Variants in PIK3C2G observed in about 807,000 individuals in gnomAD.
PIK3C2G encodes the protein phosphatidylinositol 3-kinase C2 domain-containing subunit gamma.
PIK3C2G carries 168 observed loss-of-function variants against 181.1 expected under a neutral mutation model. The observed-to-expected ratio is 0.93, with a 90% confidence interval of 0.82 to 1.05. PIK3C2G has a LOEUF of 1.05. PIK3C2G is among the 50% of genes least tolerant of loss of function. The pLI, the probability that PIK3C2G is intolerant of heterozygous loss-of-function variation, is 0.00. For synonymous variants in PIK3C2G, 573 were observed against 592.2 expected (o/e 0.97, Z 0.47); for missense variants, 1,869 against 1,732.8 (o/e 1.08, Z -1.40).
At chr12:18,368,155 G>A (rs1035079773) in intron 12 of PIK3C2G, among the ~76,000 whole-genome samples, 3 of 152,022 alleles carry the variant, frequency 2.0e-5, no homozygotes, top group Admixed American at 2.0e-4. Context: ...GATTTGGGTG[G>A]GGACACCAAG....
chr12:18,383,067 A>G (rs771061206), intron 14 of PIK3C2G, among the ~76,000 whole-genome samples: 1 of 152,206 alleles, frequency 6.6e-6, no homozygotes, highest in Non-Finnish European at 1.5e-5. Flanking sequence ...TATCTTATCA[A>G]TTAGCACTTG....
the PIK3C2G span, chr12:18,723,250 GA>G: frequency 1.4e-6 from 2 of 1,445,568 alleles, no homozygotes; most frequent in Non-Finnish European, 1.9e-6. Context: ...AATAATTTTT[GA>G]AAAAAGAAAA....
intron 24 of PIK3C2G, among the ~76,000 whole-genome samples, chr12:18,521,038 T>G (rs1288612185): frequency 6.6e-6 from 1 of 152,134 alleles, no homozygotes; most frequent in Non-Finnish European, 1.5e-5. Context: ...GGGGGTTCAC[T>G]TCAGGCTCTA....
At chr12:18,482,443 G>A in intron 18 of PIK3C2G, among the ~76,000 whole-genome samples, 1 of 152,012 alleles carries the variant, frequency 6.6e-6, no homozygotes, top group East Asian at 1.9e-4. Flanking sequence ...TCTTTGGGAA[G>A]CCTTGGAGAA....
At chr12:18,695,115 T>C in the PIK3C2G span, 4 of 1,581,668 alleles carry the variant, frequency 2.5e-6, no homozygotes, top group South Asian at 1.1e-5. Context: ...TGTCAGGTAA[T>C]AGAGAATACA....
chr12:18,621,488 G>A (rs142739305), intron 31 of PIK3C2G, among the ~76,000 whole-genome samples: 2 of 151,674 alleles, frequency 1.3e-5, no homozygotes, highest in African/African-American at 2.4e-5. Context: ...TGTGACTTCT[G>A]TCCAGTTGAT....
At chr12:18,636,370 T>G (rs2136764096) in intron 31 of PIK3C2G, among the ~76,000 whole-genome samples, 1 of 152,266 alleles carries the variant, frequency 6.6e-6, no homozygotes, top group Non-Finnish European at 1.5e-5. Flanking sequence ...CAGCTGGGAT[T>G]ACAAGGCACG....
chr12:18,675,738 T>A, the PIK3C2G span, among the ~76,000 whole-genome samples: 1 of 152,106 alleles, frequency 6.6e-6, no homozygotes, highest in Non-Finnish European at 1.5e-5. Flanking sequence ...TGGATGGAGC[T>A]GGAGTCCATT....
the PIK3C2G span, among the ~76,000 whole-genome samples, chr12:18,657,398 A>G: frequency 6.6e-6 from 1 of 152,146 alleles, no homozygotes; most frequent in African/African-American, 2.4e-5. Flanking sequence ...TCACTGGCTG[A>G]CCCTCAGGCT....
At chr12:18,601,141 A>G (rs562452324) in intron 30 of PIK3C2G, among the ~76,000 whole-genome samples, 4 of 152,178 alleles carry the variant, frequency 2.6e-5, no homozygotes, top group South Asian at 4.1e-4. Flanking sequence ...ACAGTTCAAT[A>G]TTAGTACTAT....
chr12:18,524,678 G>C (rs536575929), intron 24 of PIK3C2G, among the ~76,000 whole-genome samples: 88 of 151,554 alleles, frequency 5.8e-4, no homozygotes, highest in African/African-American at 2.1e-3. Context: ...TGATTCTCCT[G>C]CCTCAGCCTC....
chr12:18,686,357 G>A, the PIK3C2G span, among the ~76,000 whole-genome samples: 1 of 151,940 alleles, frequency 6.6e-6, no homozygotes, highest in African/African-American at 2.4e-5. Flanking sequence ...TGACACCTTA[G>A]CATGGCTTTT....
the PIK3C2G span, among the ~76,000 whole-genome samples, chr12:18,668,777 G>A: frequency 3.9e-5 from 6 of 152,116 alleles, no homozygotes; most frequent in Non-Finnish European, 1.5e-5. Context: ...AATGCTGCCT[G>A]CTGATATTCA....
intron 14 of PIK3C2G, among the ~76,000 whole-genome samples, chr12:18,388,487 C>T (rs1240121075): frequency 6.6e-6 from 1 of 152,128 alleles, no homozygotes; most frequent in East Asian, 1.9e-4. Context: ...GTTGGCCAGG[C>T]TGGTCTTGAA....
chr12:18,400,643 C>G (rs1328667779), intron 16 of PIK3C2G, among the ~76,000 whole-genome samples: 1 of 152,020 alleles, frequency 6.6e-6, no homozygotes, highest in Non-Finnish European at 1.5e-5. Flanking sequence ...GTAACCTAAA[C>G]TGACTTTTAA....
chr12:18,338,055 T>A (rs1212304522), intron 8 of PIK3C2G, among the ~76,000 whole-genome samples: 1 of 152,034 alleles, frequency 6.6e-6, no homozygotes, highest in African/African-American at 2.4e-5. Context: ...AACCACAGAC[T>A]TTGTCTAAGG....
chr12:18,653,416 T>C (rs1414484440), downstream of PIK3C2G, among the ~76,000 whole-genome samples: 1 of 152,194 alleles, frequency 6.6e-6, no homozygotes, highest in East Asian at 1.9e-4. Context: ...ATACTCTCAA[T>C]GCAATGGGCT....
At chr12:18,302,009 T>C (rs1363883825) in intron 5 of PIK3C2G, among the ~76,000 whole-genome samples, 1 of 152,208 alleles carries the variant, frequency 6.6e-6, no homozygotes, top group Non-Finnish European at 1.5e-5. Flanking sequence ...CTCAGTGGCT[T>C]AAGCTACAGT....
intron 7 of PIK3C2G, among the ~76,000 whole-genome samples, chr12:18,322,212 T>G (rs1316607731): frequency 6.6e-6 from 1 of 151,746 alleles, no homozygotes; most frequent in African/African-American, 2.4e-5. Flanking sequence ...GTGAAACCCA[T>G]CTCTATTAAA....
Sources: gnomAD v4.1 joint callset for allele counts (sites outside exome capture counted in the v4.1 genomes callset) on GRCh38, gnomAD v4.1.1 for gene constraint, MANE v1.5 for transcripts, NCBI Gene and HGNC (gene_info 2026-07-23, HGNC 2026-07-21) for gene names.